Variants in OSBPL5 observed in about 807,000 individuals in gnomAD.
The protein encoded by OSBPL5 is oxysterol binding protein like 5.
A neutral mutation model predicts 111.2 loss-of-function variants in OSBPL5; 71 were observed. That is an observed-to-expected ratio of 0.64 (90% CI 0.53 to 0.78). OSBPL5 has a LOEUF of 0.78. Among genes scored for constraint, OSBPL5 ranks in the 30% least tolerant of loss-of-function variants. The pLI, the probability that OSBPL5 is intolerant of heterozygous loss-of-function variation, is 0.00. For synonymous variants in OSBPL5, 549 were observed against 513.9 expected (o/e 1.07, Z -0.93); for missense variants, 1,210 against 1,189.3 (o/e 1.02, Z -0.26).
At chr11:3,091,172 G>A (rs929737776) in intron 19 of OSBPL5, among the ~76,000 whole-genome samples, 2 of 152,240 alleles carry the variant, frequency 1.3e-5, no homozygotes, top group African/African-American at 4.8e-5. Context: ...ACACTCAGCC[G>A]GCTGCTCACA....
intron 10 of OSBPL5, among the ~76,000 whole-genome samples, chr11:3,103,756 G>GCCTCTGCAGCCCCTTCCTGC: frequency 5.3e-5 from 3 of 56,856 alleles, no homozygotes; most frequent in Admixed American, 3.3e-4. Flanking sequence ...CCCTCTTCCA[G>GCCTCTGCAGCCCCTTCCTGC]CTCTGCAGCC....
At chr11:3,134,807 T>TG (rs545639806) in intron 1 of OSBPL5, among the ~76,000 whole-genome samples, 1,453 of 32,170 alleles carry the variant, frequency 0.045, 22 homozygotes, top group African/African-American at 0.14. Context: ...GGGGGTGGGG[T>TG]GGGGGTGATC....
rs1564830254 is a variant in OSBPL5 at position 3,103,799 on chromosome 11, T to TGC, written c.1244+392_1244+393dup. Among the ~76,000 whole-genome samples the TGC allele has an allele frequency of 3.2e-3, 143 of 44,840 alleles. 2 individuals are homozygous for TGC. Among genetic ancestry groups the TGC allele is most frequent in the Non-Finnish European group, 4.4e-3 (74 of 16,852 alleles). The allele number at this position is 44,840 out of a possible 152,430, so 29.4% of individuals were successfully genotyped here. ...AGCCTCTGCAGTCCCTTCCTGCCTC[T>TGC]GCAGCCCTCTTCCTGCCTGCGCAGC... On this transcript the variant is annotated intron_variant, in intron 10 of 21. Transcript: ENST00000263650.
At chr11:3,124,558 C>A (rs1214043729) in intron 3 of OSBPL5, among the ~76,000 whole-genome samples, 1 of 152,154 alleles carries the variant, frequency 6.6e-6, no homozygotes, top group East Asian at 1.9e-4. Context: ...GCTGGGTAGC[C>A]CCTGCTCCTT....
chr11:3,115,753 A>C (rs1475666598), intron 7 of OSBPL5, among the ~76,000 whole-genome samples: 1 of 152,224 alleles, frequency 6.6e-6, no homozygotes, highest in Non-Finnish European at 1.5e-5. Flanking sequence ...ATATCTTATG[A>C]TCAAGATGAA....
intron 3 of OSBPL5, among the ~76,000 whole-genome samples, chr11:3,124,346 G>A (rs1858524743): frequency 6.6e-6 from 1 of 152,164 alleles, no homozygotes; most frequent in African/African-American, 2.4e-5. Context: ...TTGGGCTGAC[G>A]ATGAGTGATA....
intron 10 of OSBPL5, among the ~76,000 whole-genome samples, chr11:3,103,822 A>C (rs111960552): frequency 0.39 from 16,473 of 42,776 alleles, 1,826 homozygotes; most frequent in South Asian, 0.39. Flanking sequence ...CTGCCTGCGC[A>C]GCCCCCTTCC....
At chr11:3,088,906 C>A (rs1295005625) in intron 21 of OSBPL5, among the ~76,000 whole-genome samples, 1 of 152,038 alleles carries the variant, frequency 6.6e-6, no homozygotes, top group Admixed American at 6.6e-5. Flanking sequence ...TCCGGGACCG[C>A]GAGGGAGTAG....
chr11:3,135,885 G>A (rs1845935713), intron 1 of OSBPL5, among the ~76,000 whole-genome samples: 1 of 152,226 alleles, frequency 6.6e-6, no homozygotes, highest in Non-Finnish European at 1.5e-5. Context: ...AGGGGACAGA[G>A]GCGAGGGCAC....
intron 1 of OSBPL5, among the ~76,000 whole-genome samples, chr11:3,131,591 T>TCATCCATCCATC (rs149476927): frequency 2.4e-5 from 3 of 126,394 alleles, no homozygotes; most frequent in Admixed American, 1.5e-4. Context: ...ATCCACCCAT[T>TCATCCATCCATC]CATCCATCCA....
At chr11:3,160,877 G>A (rs1335744518) in intron 1 of OSBPL5, 1 of 152,198 alleles carries the variant, frequency 6.6e-6, no homozygotes, top group Non-Finnish European at 1.5e-5. Flanking sequence ...CCAGCGTCTG[G>A]AGGCCCGTTC....
chr11:3,112,458 C>A (rs955566018), intron 7 of OSBPL5, among the ~76,000 whole-genome samples: 1 of 143,226 alleles, frequency 7.0e-6, no homozygotes, highest in African/African-American at 2.6e-5. Context: ...TATTGTGTAA[C>A]CTGTTTTGTG....
chr11:3,136,969 G>C (rs1268414328), intron 1 of OSBPL5, among the ~76,000 whole-genome samples: 1 of 152,244 alleles, frequency 6.6e-6, no homozygotes, highest in Admixed American at 6.5e-5. Context: ...CAAGGATAAA[G>C]GAACATAAGC....
chr11:3,145,250 A>G (rs947303084), intron 1 of OSBPL5, among the ~76,000 whole-genome samples: 1 of 152,014 alleles, frequency 6.6e-6, no homozygotes, highest in African/African-American at 2.4e-5. Context: ...CAGCCCCTTG[A>G]TGAACCTCCC....
At chr11:3,102,084 G>T in intron 12 of OSBPL5, 99 bp downstream of exon 12, 1 of 1,265,242 alleles carries the variant, frequency 7.9e-7, no homozygotes, top group Non-Finnish European at 1.1e-6. Flanking sequence ...CGGCCCTCGG[G>T]GTCACGCTTG....
chr11:3,124,348 T>C (rs1858524848), intron 3 of OSBPL5, among the ~76,000 whole-genome samples: 1 of 152,094 alleles, frequency 6.6e-6, no homozygotes, highest in African/African-American at 2.4e-5. Flanking sequence ...GGGCTGACGA[T>C]GAGTGATAAG....
intron 5 of OSBPL5, 116 bp from the exon 6 acceptor site, chr11:3,120,740 C>T (rs1858379833): frequency 4.6e-6 from 5 of 1,081,360 alleles, no homozygotes; most frequent in South Asian, 4.4e-5. Flanking sequence ...AGGGGCCCTT[C>T]CCCTCCCTCA....
At chr11:3,134,082 C>T (rs866136990) in intron 1 of OSBPL5, among the ~76,000 whole-genome samples, 54 of 152,214 alleles carry the variant, frequency 3.5e-4, no homozygotes, top group African/African-American at 1.2e-3. Flanking sequence ...AACAGGCAGG[C>T]GACAGGTGGG....
At position 3,154,562 on chromosome 11, in the gene OSBPL5, G is replaced by A. The variant is rs183378774; in HGVS notation, c.-22+10654C>T. ...GAGAACACTGCACACACTCATGGGT[G>A]CGGAAGGCTCTGATCACATCAAAAT... On this transcript the variant is annotated intron_variant, in intron 1 of 21. Transcript: ENST00000263650. The surrounding 1 kb of genome is among the most constrained non-coding windows in gnomAD (Gnocchi z 4.9). Among the ~76,000 whole-genome samples the A allele has an allele frequency of 6.6e-6, 1 of 152,326 alleles. No homozygotes were observed. The highest frequency in any genetic ancestry group is 2.4e-5 in the African/African-American group (1 of 41,568).
Sources: gnomAD v4.1 joint callset for allele counts (sites outside exome capture counted in the v4.1 genomes callset) on GRCh38, gnomAD v4.1.1 for gene constraint, Gnocchi (gnomAD v3.1) non-coding constraint, MANE v1.5 for transcripts, NCBI Gene and HGNC (gene_info 2026-07-23, HGNC 2026-07-21) for gene names.